Variants in VGLL4 observed in about 807,000 individuals in gnomAD.
VGLL4 encodes the protein transcription cofactor vestigial-like protein 4.
In VGLL4, 7 loss-of-function variants were observed where a neutral mutation model predicts 21.0. That is an observed-to-expected ratio of 0.33 (90% CI 0.19 to 0.63). VGLL4 has a LOEUF of 0.63. Ranked by LOEUF, VGLL4 falls within the 20% of genes least tolerant of loss-of-function variation. VGLL4 has a pLI of 0.78. For missense variants in VGLL4, 394 were observed against 425.7 expected, an observed-to-expected ratio of 0.93 and a Z score of 0.66; for synonymous variants, 222 against 173.2, an observed-to-expected ratio of 1.28 and a Z score of -2.21.
intron 1 of VGLL4, chr3:11,626,657 A>C (rs1384500771): frequency 3.9e-6 from 1 of 258,802 alleles, no homozygotes; most frequent in Non-Finnish European, 7.8e-6. Context: ...TTACAGACAA[A>C]ATGGGTATCA....
At chr3:11,715,683 T>C (rs771803343) in intron 1 of VGLL4, among the ~76,000 whole-genome samples, 6 of 152,132 alleles carry the variant, frequency 3.9e-5, no homozygotes, top group East Asian at 1.9e-4. Context: ...TCTGTGAACA[T>C]TGAATTAGTG....
intron 1 of VGLL4, among the ~76,000 whole-genome samples, chr3:11,634,433 C>G (rs2075546978): frequency 6.6e-6 from 1 of 152,182 alleles, no homozygotes; most frequent in South Asian, 2.1e-4. Flanking sequence ...CAGAATTTGC[C>G]TTACCCCTAT....
chr3:11,588,825 T>C (rs748838919), intron 2 of VGLL4, among the ~76,000 whole-genome samples: 9 of 152,226 alleles, frequency 5.9e-5, no homozygotes, highest in Admixed American at 4.6e-4. Flanking sequence ...GTGCTGAATT[T>C]AGGGCACACA....
chr3:11,629,628 T>A (rs2075433441), intron 1 of VGLL4, among the ~76,000 whole-genome samples: 1 of 150,562 alleles, frequency 6.6e-6, no homozygotes, highest in Non-Finnish European at 1.5e-5. Flanking sequence ...GCGCCTGTAA[T>A]CCCACCTACT....
At chr3:11,678,440 A>G (rs1353120765) in intron 2 of VGLL4, among the ~76,000 whole-genome samples, 2 of 152,254 alleles carry the variant, frequency 1.3e-5, no homozygotes, top group African/African-American at 4.8e-5. Flanking sequence ...TTTTCCCTCC[A>G]GAACACAGAG....
At chr3:11,664,021 G>A (rs899776518) in intron 2 of VGLL4, among the ~76,000 whole-genome samples, 3 of 152,172 alleles carry the variant, frequency 2.0e-5, no homozygotes, top group African/African-American at 7.2e-5. Context: ...GGAGTCCAAG[G>A]CGGGAGGATC....
At chr3:11,569,104 AT>A (rs2073669747) in intron 2 of VGLL4, among the ~76,000 whole-genome samples, 1 of 152,244 alleles carries the variant, frequency 6.6e-6, no homozygotes, top group Non-Finnish European at 1.5e-5. Flanking sequence ...AAGCAGTGAC[AT>A]TGAAAGAATC....
At chr3:11,651,644 C>T (rs1343951382) in intron 2 of VGLL4, among the ~76,000 whole-genome samples, 4 of 151,846 alleles carry the variant, frequency 2.6e-5, no homozygotes, top group East Asian at 3.9e-4. Context: ...GCTTTGTACA[C>T]GGTAGGTCAA....
intron 2 of VGLL4, among the ~76,000 whole-genome samples, chr3:11,693,429 G>C (rs766977953): frequency 1.3e-4 from 20 of 152,160 alleles, no homozygotes; most frequent in Non-Finnish European, 2.5e-4. Context: ...AAGGGAGCAG[G>C]ATTCTCGTCC....
chr3:11,572,528 T>C (rs1267162445), intron 2 of VGLL4, among the ~76,000 whole-genome samples: 1 of 152,184 alleles, frequency 6.6e-6, no homozygotes, highest in Non-Finnish European at 1.5e-5. Context: ...CAGGCCCTCC[T>C]CAGTCCCATT....
intron 1 of VGLL4, among the ~76,000 whole-genome samples, chr3:11,621,276 G>C (rs895723957): frequency 6.6e-6 from 1 of 152,098 alleles, no homozygotes; most frequent in African/African-American, 2.4e-5. Flanking sequence ...TCTAATTTTA[G>C]GACATTTCTT....
At chr3:11,631,578 T>C (rs1033324049) in intron 1 of VGLL4, among the ~76,000 whole-genome samples, 1 of 152,198 alleles carries the variant, frequency 6.6e-6, no homozygotes, top group Non-Finnish European at 1.5e-5. Context: ...TCATTCCTCC[T>C]TTATGCTCTA....
intron 1 of VGLL4, chr3:11,612,498 T>C (rs1399442096): frequency 6.6e-6 from 1 of 152,134 alleles, no homozygotes; most frequent in African/African-American, 2.4e-5. Context: ...AATCATAAGA[T>C]TCAAAAAGAT....
chr3:11,580,437 A>C (rs1304495708), intron 2 of VGLL4, among the ~76,000 whole-genome samples: 1 of 152,242 alleles, frequency 6.6e-6, no homozygotes, highest in African/African-American at 2.4e-5. Flanking sequence ...GCTATTGTGA[A>C]TAATGCTGCT....
intron 2 of VGLL4, chr3:11,702,918 G>A: frequency 1.3e-6 from 2 of 1,533,154 alleles, no homozygotes; most frequent in Non-Finnish European, 1.8e-6. Flanking sequence ...TGGAGCAGAA[G>A]ACAAGGGATC....
At chr3:11,576,874 C>T (rs1033945994) in intron 2 of VGLL4, among the ~76,000 whole-genome samples, 1 of 152,248 alleles carries the variant, frequency 6.6e-6, no homozygotes, top group Non-Finnish European at 1.5e-5. Context: ...GGAGAGAAGA[C>T]ACATTCCCTC....
chr3:11,606,381 A>G (rs1476118323), intron 1 of VGLL4, among the ~76,000 whole-genome samples: 1 of 152,216 alleles, frequency 6.6e-6, no homozygotes, highest in Non-Finnish European at 1.5e-5. Flanking sequence ...CCACAAAGAG[A>G]TACCACTAAC....
intron 1 of VGLL4, chr3:11,627,187 C>T (rs567855529): frequency 6.8e-6 from 1 of 146,426 alleles, no homozygotes; most frequent in South Asian, 2.2e-4. Flanking sequence ...GGAGTAAGCA[C>T]TGTGTTTGTT....
chr3:11,643,722 GGGCT>G lies in VGLL4; in HGVS notation c.-208_-205del. 1 of 1,405,158 alleles carries G rather than the reference GGGCT, an allele frequency of 7.1e-7. No individual in the cohort carries two copies. Among genetic ancestry groups the G allele is most frequent in the Non-Finnish European group, 9.2e-7 (1 of 1,083,800 alleles). 87.0% of individuals were successfully genotyped at this position (1,405,158 alleles called of 1,614,324 possible). The stretch of plus-strand genomic sequence containing the variant: ...ATCGAGCTCACACGAAACCCTTCAA[GGGCT>G]TACTGGTAGACGGTGTATGTACTGT... On this transcript the variant is annotated 5_prime_UTR_variant, in exon 1 of 5. Transcript: ENST00000430365.
Sources: allele counts gnomAD v4.1 joint callset (sites outside exome capture counted in the v4.1 genomes callset), GRCh38; gene constraint gnomAD v4.1.1; transcripts MANE v1.5; gene names NCBI Gene and HGNC (gene_info 2026-07-23, HGNC 2026-07-21).